RAD51AP2: variants seen among roughly 807,000 people sequenced by gnomAD.
RAD51AP2 encodes the protein RAD51 associated protein 2.
RAD51AP2 carries 67 observed loss-of-function variants against 85.5 expected under a neutral mutation model. The ratio of observed to expected loss-of-function variants is 0.78; its 90% CI spans 0.64 to 0.96. RAD51AP2 has a LOEUF of 0.96. RAD51AP2 is among the 40% of genes least tolerant of loss of function. The pLI is 0.00. For synonymous variants in RAD51AP2, 474 were observed against 446.5 expected, an observed-to-expected ratio of 1.06 and a Z score of -0.78; for missense variants, 1,307 against 1,332.4, an observed-to-expected ratio of 0.98 and a Z score of 0.30.
At chr2:17,529,395 A>G in the RAD51AP2 span, among the ~76,000 whole-genome samples, 132 of 152,194 alleles carry the variant, frequency 8.7e-4, 2 homozygotes, top group African/African-American at 3.1e-3. Flanking sequence ...ATCAAGTTAT[A>G]AAAATAATCT....
At chr2:17,511,172 C>T (rs1363496956) in intron 2 of RAD51AP2, among the ~76,000 whole-genome samples, 2 of 152,052 alleles carry the variant, frequency 1.3e-5, no homozygotes, top group East Asian at 3.9e-4. Context: ...GTAACTTGCC[C>T]CATAAAATAT....
At chr2:17,521,389 C>G (rs750711066), upstream of RAD51AP2, among the ~76,000 whole-genome samples, 5 of 151,988 alleles carry the variant, frequency 3.3e-5, no homozygotes, top group Admixed American at 6.6e-5. Context: ...AGAAATATGA[C>G]AAGACAGTTT....
rs1305311684 is a variant in RAD51AP2 at position 17,516,671 on chromosome 2, G to A, written c.1745C>T (p.Thr582Ile). The change falls in exon 1 of 3, where the codon ACT becomes ATT. Residue 582 changes from threonine to isoleucine, a missense_variant. Physicochemically the swap from Thr to Ile is moderately conservative, Grantham distance 89. Transcript: ENST00000399080. The part of the protein sequence containing the change: ...VSEPLDILLK[T>I]NIAFLLNNFD... ...GTTATTGAGCAAAAAAGCTATGTTA[G>A]TTTTCAATAGAATATCTAAAGGTTC... 6.4e-7 allele frequency: 1 copy of A among 1,568,788 alleles called. No individual in the cohort carries two copies. Among genetic ancestry groups the A allele is most frequent in the Admixed American group, 1.9e-5 (1 of 51,694 alleles).
chr2:17,527,874 G>A, the RAD51AP2 span, among the ~76,000 whole-genome samples: 519 of 152,244 alleles, frequency 3.4e-3, 2 homozygotes, highest in Non-Finnish European at 5.0e-3. Context: ...AAATGCAGAT[G>A]ATTTCATGTT....
chr2:17,518,714 G>T (rs77271581), upstream of RAD51AP2, among the ~76,000 whole-genome samples: 1 of 151,740 alleles, frequency 6.6e-6, no homozygotes, highest in Non-Finnish European at 1.5e-5. Flanking sequence ...CTAATGCCAC[G>T]ACTGTAGAGA....
At chr2:17,521,509 A>G (rs1334827419), upstream of RAD51AP2, among the ~76,000 whole-genome samples, 1 of 152,094 alleles carries the variant, frequency 6.6e-6, no homozygotes, top group Non-Finnish European at 1.5e-5. Flanking sequence ...CAGTTAAAAG[A>G]ACCACTAACA....
chr2:17,515,735 T>C lies in RAD51AP2; in HGVS notation c.2681A>G (p.Asn894Ser). 6.3e-7 allele frequency: 1 copy of C among 1,598,268 alleles called. No individual in the cohort carries two copies. The highest frequency in any genetic ancestry group is 8.5e-7 in the Non-Finnish European group (1 of 1,172,336). The stretch of plus-strand genomic sequence containing the variant: ...ATATTCATTTGTATTTGTTACATAA[T>C]TTTGATTAACATATTTATTTTCTTC... ...NVEENKYVNQ[N>S]YVTNTNEYES... Residue 894 changes from asparagine to serine, a missense_variant, in exon 1 of 3, where the codon AAT becomes AGT. By Grantham distance (46) the Asn-to-Ser change is conservative (BLOSUM62 1). Coordinates refer to ENST00000399080, the MANE Select transcript of RAD51AP2 (RefSeq NM_001099218.3).
upstream of RAD51AP2, among the ~76,000 whole-genome samples, chr2:17,519,996 A>T (rs940083145): frequency 4.6e-5 from 7 of 152,144 alleles, no homozygotes; most frequent in Admixed American, 6.5e-5. Flanking sequence ...TTGATATTTG[A>T]TTATTTCTTC....
chr2:17,534,865 A>C, the RAD51AP2 span, among the ~76,000 whole-genome samples: 1 of 152,234 alleles, frequency 6.6e-6, no homozygotes, highest in Non-Finnish European at 1.5e-5. Context: ...GAAGACACTC[A>C]TGCTTAAAAG....
chr2:17,518,192 A>C lies in RAD51AP2; in HGVS notation c.224T>G (p.Leu75Arg). 1 of 1,614,198 alleles carries C rather than the reference A, an allele frequency of 6.2e-7. No homozygotes were observed. The highest frequency in any genetic ancestry group is 1.1e-5 in the South Asian group (1 of 91,086). Residue 75 changes from leucine (L) to arginine (R), a missense_variant, in exon 1 of 3, where the codon CTT (leucine) becomes CGT (arginine). By Grantham distance (102) the Leu-to-Arg change is moderately radical. Around this residue, in one of 3 missense-constraint regions of RAD51AP2, gnomAD observed 635 missense variants for 643.6 expected, o/e 0.99. Coordinates refer to ENST00000399080, the MANE Select transcript of RAD51AP2 (RefSeq NM_001099218.3). ...ATCGAAAATAGCATTCGTTGAAACAAGGAGTCCCTTGAAGGGTCTAGGGGA... is the reference window on the plus strand; with the variant it reads ...ATCGAAAATAGCATTCGTTGAAACACGGAGTCCCTTGAAGGGTCTAGGGGA... ...ELSPRPFKGL[L>R]VSTNAIFDNS...
At chr2:17,522,039 C>A (rs528464525), upstream of RAD51AP2, among the ~76,000 whole-genome samples, 4 of 152,084 alleles carry the variant, frequency 2.6e-5, no homozygotes, top group East Asian at 7.7e-4. Flanking sequence ...ATAAACCAGT[C>A]TTCATTTTAC....
the RAD51AP2 span, among the ~76,000 whole-genome samples, chr2:17,524,115 C>T: frequency 6.6e-6 from 1 of 152,046 alleles, no homozygotes; most frequent in East Asian, 1.9e-4. Flanking sequence ...AGGCTGTTCA[C>T]AACTTTGTCC....
rs577293249 is a variant in RAD51AP2, at chr2:17,518,153, G to A, written c.263C>T (p.Ser88Leu). 2.5e-6 allele frequency: 4 copies of A among 1,614,072 alleles called. No individual in the cohort carries two copies. In the South Asian group the frequency reaches 3.3e-5, roughly 13 times the overall value. ...TNAIFDNSTD[S>L]CVEKSVSGKQ... ...CCCACTGACTGATTTCTCCACACAC[G>A]AGTCTGTGGAGTTATCGAAAATAGC... is the stretch of plus-strand genomic sequence containing the variant. Residue 88 changes from serine to leucine, a missense_variant, in exon 1 of 3, where the codon TCG becomes TTG. Ser to Leu is a moderately radical substitution (Grantham distance 145, BLOSUM62 -2). Around this residue, in one of 3 missense-constraint regions of RAD51AP2, gnomAD observed 635 missense variants for 643.6 expected, o/e 0.99. Transcript: ENST00000399080.
chr2:17,537,480 A>G, the RAD51AP2 span, among the ~76,000 whole-genome samples: 1 of 152,200 alleles, frequency 6.6e-6, no homozygotes, highest in African/African-American at 2.4e-5. Flanking sequence ...GTATAAATCC[A>G]TTCTTCAATT....
rs1662640688 is a variant in RAD51AP2, at chr2:17,515,788, AACTG to A, written c.2624_2627del (p.Ser875PhefsTer3). Reference sequence around the variant, plus strand: ...CATTTACTTCCTTACTTATTAATGAAACTGACTGTACAGAAAACATGTCATCCAT... The same window carrying A: ...CATTTACTTCCTTACTTATTAATGAAACTGTACAGAAAACATGTCATCCAT... On this transcript the variant is annotated frameshift_variant, in exon 1 of 3. Coordinates refer to ENST00000399080, the MANE Select transcript of RAD51AP2 (RefSeq NM_001099218.3). LOFTEE classifies it high-confidence loss of function. 1.9e-6 allele frequency: 3 copies of A among 1,601,304 alleles called. No homozygotes were observed. The highest frequency in any genetic ancestry group is 2.6e-6 in the Non-Finnish European group (3 of 1,172,218).
In RAD51AP2 at chr2:17,516,068, A is replaced by AT. The variant is rs758309021; in HGVS notation, c.2347_2348insA (p.Phe783TyrfsTer2). On this transcript the variant is annotated frameshift_variant, in exon 1 of 3. Coordinates refer to ENST00000399080, the MANE Select transcript of RAD51AP2 (RefSeq NM_001099218.3). LOFTEE classifies it high-confidence loss of function. ...TTGCCTAACATTGCAGAGATCTTCAAATATGTGCTCACAGTCAAAGTTACT... is the reference window on the plus strand; with the variant it reads ...TTGCCTAACATTGCAGAGATCTTCAATATATGTGCTCACAGTCAAAGTTACT... 1 of 1,613,582 alleles carries AT rather than the reference A, an allele frequency of 6.2e-7. No homozygotes were observed. Among genetic ancestry groups the AT allele is most frequent in the South Asian group, 1.1e-5 (1 of 90,988 alleles).
upstream of RAD51AP2, among the ~76,000 whole-genome samples, chr2:17,521,972 T>C (rs909708477): frequency 2.6e-5 from 4 of 152,036 alleles, no homozygotes; most frequent in South Asian, 2.1e-4. Flanking sequence ...CCCCCTTTTA[T>C]CCATAATGTA....
chr2:17,537,571 C>T, the RAD51AP2 span, among the ~76,000 whole-genome samples: 18 of 152,276 alleles, frequency 1.2e-4, no homozygotes, highest in South Asian at 2.7e-3. Context: ...TTAAGTTCCA[C>T]CCTTCTTGGC....
chr2:17,512,154 C>G (rs1326209993), intron 2 of RAD51AP2, among the ~76,000 whole-genome samples: 1 of 152,070 alleles, frequency 6.6e-6, no homozygotes, highest in Non-Finnish European at 1.5e-5. Context: ...TCATTGAAGA[C>G]ATTTAGTAGT....
Sources: allele counts gnomAD v4.1 joint callset (sites outside exome capture counted in the v4.1 genomes callset), GRCh38; gene constraint gnomAD v4.1.1; regional missense constraint gnomAD v4.1.1; transcripts MANE v1.5; gene names NCBI Gene and HGNC (gene_info 2026-07-23, HGNC 2026-07-21).